PTPRD: variants seen among roughly 807,000 people sequenced by gnomAD.
PTPRD encodes receptor-type tyrosine-protein phosphatase delta.
PTPRD carries 34 observed loss-of-function variants against 214.5 expected under a neutral mutation model. The observed-to-expected ratio is 0.16, with a 90% CI of 0.12 to 0.21. The LOEUF (loss-of-function observed/expected upper bound fraction) is 0.21, where lower values mean the gene tolerates loss of function less well. Ranked by LOEUF, PTPRD falls within the 10% of genes least tolerant of loss-of-function variation. The pLI, the probability that PTPRD is intolerant of heterozygous loss-of-function variation, is 1.00. For synonymous variants in PTPRD, 1,128 were observed against 845.7 expected (o/e 1.33, Z -5.79); for missense variants, 2,545 against 2,398.7 (o/e 1.06, Z -1.27).
chr9:8,888,677 T>G (rs1165405364), intron 11 of PTPRD, among the ~76,000 whole-genome samples: 1 of 152,236 alleles, frequency 6.6e-6, no homozygotes, highest in Non-Finnish European at 1.5e-5. Context: ...GTGCTTCACC[T>G]TAGCCATAAA....
chr9:10,003,776 A>T (rs1295820917), intron 4 of PTPRD, among the ~76,000 whole-genome samples: 1 of 151,782 alleles, frequency 6.6e-6, no homozygotes, highest in Non-Finnish European at 1.5e-5. Context: ...TGGTCCTCAC[A>T]ACAGGCTTAT....
chr9:10,453,160 C>A (rs1009273938), intron 2 of PTPRD, among the ~76,000 whole-genome samples: 4 of 151,582 alleles, frequency 2.6e-5, no homozygotes, highest in African/African-American at 9.7e-5. Context: ...TCTCCATATT[C>A]TGTTCTTTTG....
At chr9:9,895,999 T>C (rs930339513) in intron 5 of PTPRD, among the ~76,000 whole-genome samples, 1 of 152,036 alleles carries the variant, frequency 6.6e-6, no homozygotes, top group Non-Finnish European at 1.5e-5. Context: ...AAAGGGTCCG[T>C]TTGTCACAGT....
intron 2 of PTPRD, among the ~76,000 whole-genome samples, chr9:10,603,998 C>T (rs1037382499): frequency 6.6e-6 from 1 of 151,728 alleles, no homozygotes; most frequent in Non-Finnish European, 1.5e-5. Flanking sequence ...TAATAACACA[C>T]CCTTTAATTG....
chr9:8,745,038 A>G (rs2092633406), intron 11 of PTPRD, among the ~76,000 whole-genome samples: 2 of 152,262 alleles, frequency 1.3e-5, no homozygotes, highest in East Asian at 1.9e-4. Context: ...CTCTGTACAT[A>G]TATTTCATTC....
At chr9:9,722,778 C>T (rs572702860) in intron 7 of PTPRD, among the ~76,000 whole-genome samples, 1 of 152,056 alleles carries the variant, frequency 6.6e-6, no homozygotes, top group South Asian at 2.1e-4. Flanking sequence ...GAAGCAGTAC[C>T]TTGTGGTTTT....
chr9:8,444,134 G>A (rs1040423561), intron 34 of PTPRD, among the ~76,000 whole-genome samples: 1 of 152,132 alleles, frequency 6.6e-6, no homozygotes, highest in Non-Finnish European at 1.5e-5. Context: ...CAATGATGGT[G>A]TCAAAATATA....
At chr9:8,729,452 A>AAC (rs1161766391) in intron 12 of PTPRD, among the ~76,000 whole-genome samples, 1 of 151,894 alleles carries the variant, frequency 6.6e-6, no homozygotes, top group Non-Finnish European at 1.5e-5. Flanking sequence ...TCAAATTAAA[A>AAC]AAAAAAATTA....
At chr9:8,819,158 C>T (rs1341690692) in intron 11 of PTPRD, among the ~76,000 whole-genome samples, 1 of 152,116 alleles carries the variant, frequency 6.6e-6, no homozygotes, top group Non-Finnish European at 1.5e-5. Context: ...ATAAATTAAA[C>T]ACCAAGCACT....
chr9:10,569,780 T>C (rs2066848743), intron 2 of PTPRD, among the ~76,000 whole-genome samples: 1 of 152,226 alleles, frequency 6.6e-6, no homozygotes, highest in African/African-American at 2.4e-5. Context: ...GTAAATTATA[T>C]TTTGGTGTGC....
chr9:9,658,970 A>T (rs2096573290), intron 7 of PTPRD, among the ~76,000 whole-genome samples: 1 of 152,140 alleles, frequency 6.6e-6, no homozygotes, highest in Non-Finnish European at 1.5e-5. Flanking sequence ...GAAGTAGAAC[A>T]CAAACTATCA....
At chr9:9,443,166 A>T (rs558949879) in intron 8 of PTPRD, among the ~76,000 whole-genome samples, 1 of 152,088 alleles carries the variant, frequency 6.6e-6, no homozygotes, top group East Asian at 1.9e-4. Flanking sequence ...ATTCCTCTTT[A>T]AAAAAAATCT....
At chr9:10,389,276 TA>T (rs1368221157) in intron 2 of PTPRD, among the ~76,000 whole-genome samples, 1 of 151,892 alleles carries the variant, frequency 6.6e-6, no homozygotes, top group Non-Finnish European at 1.5e-5. Context: ...ATTTAAATAT[TA>T]TTGACACAAT....
At chr9:9,434,906 T>C (rs2084623757) in intron 8 of PTPRD, among the ~76,000 whole-genome samples, 1 of 148,918 alleles carries the variant, frequency 6.7e-6, no homozygotes, top group African/African-American at 2.4e-5. Flanking sequence ...TCTTATCAGA[T>C]AGTTCTGATT....
At chr9:10,491,307 T>C (rs1296677627) in intron 2 of PTPRD, among the ~76,000 whole-genome samples, 1 of 152,150 alleles carries the variant, frequency 6.6e-6, no homozygotes, top group Non-Finnish European at 1.5e-5. Context: ...TTCTTTTCAT[T>C]GAGGAATACA....
intron 5 of PTPRD, among the ~76,000 whole-genome samples, chr9:9,816,161 GA>G (rs1230683231): frequency 6.6e-6 from 1 of 151,922 alleles, no homozygotes; most frequent in East Asian, 1.9e-4. Context: ...AATAAAGCTG[GA>G]AAACAAAATA....
At chr9:10,076,470 T>G (rs946109875) in intron 3 of PTPRD, among the ~76,000 whole-genome samples, 1 of 152,144 alleles carries the variant, frequency 6.6e-6, no homozygotes, top group African/African-American at 2.4e-5. Flanking sequence ...GCATCTGTAC[T>G]GGGAGGACCC....
rs147356475 is a variant in PTPRD, at chr9:10,228,336, T to C, written c.-545+112627A>G. On this transcript the variant is annotated intron_variant, in intron 3 of 45. Coordinates refer to ENST00000381196, the MANE Select transcript of PTPRD (RefSeq NM_002839.4). ...CTTAAGTCAACTAGAAAAGGCACTT[T>C]TAAGATTGAGAAGGTGTGGTCCCAC... 5.2e-3 allele frequency among the ~76,000 whole-genome samples: 796 copies of C among 152,136 alleles called. 4 individuals are homozygous for C. The highest frequency in any genetic ancestry group is 0.018 in the African/African-American group (759 of 41,550).
intron 5 of PTPRD, among the ~76,000 whole-genome samples, chr9:9,801,206 C>A (rs1227011250): frequency 2.0e-5 from 3 of 151,882 alleles, no homozygotes; most frequent in African/African-American, 4.8e-5. Context: ...ATCATTAGTA[C>A]CCGGTATACA....
Sources: gnomAD v4.1 joint callset for allele counts (sites outside exome capture counted in the v4.1 genomes callset) on GRCh38, gnomAD v4.1.1 for gene constraint, MANE v1.5 for transcripts, NCBI Gene and HGNC (gene_info 2026-07-23, HGNC 2026-07-21) for gene names.